SAMHD1: variants seen among roughly 807,000 people sequenced by gnomAD.
SAMHD1 encodes deoxynucleoside triphosphate triphosphohydrolase SAMHD1.
Under a neutral mutation model 79.6 loss-of-function variants are expected in SAMHD1, and 54 were observed. The ratio of observed to expected loss-of-function variants is 0.68; its 90% CI spans 0.55 to 0.85. The LOEUF (loss-of-function observed/expected upper bound fraction) is 0.85, where lower values mean the gene tolerates loss of function less well. Among genes scored for constraint, SAMHD1 ranks in the 40% least tolerant of loss-of-function variants. SAMHD1 has a pLI of 0.00. For missense variants in SAMHD1, 663 were observed against 782.7 expected, an observed-to-expected ratio of 0.85 and a Z score of 1.82; for synonymous variants, 260 against 264.1, an observed-to-expected ratio of 0.98 and a Z score of 0.15.
At chr20:36,897,257 T>A (rs1458211712) in intron 15 of SAMHD1, among the ~76,000 whole-genome samples, 1 of 152,232 alleles carries the variant, frequency 6.6e-6, no homozygotes, top group East Asian at 1.9e-4. Flanking sequence ...TATTCATTCA[T>A]TCATTCATTC....
chr20:36,890,038 C>T (rs1990022635), downstream of SAMHD1: 1 of 152,176 alleles, frequency 6.6e-6, no homozygotes, highest in Admixed American at 6.5e-5. Flanking sequence ...CTAATAAATA[C>T]TGTAGCAGCG....
intron 13 of SAMHD1, among the ~76,000 whole-genome samples, chr20:36,902,574 T>C (rs1450240813): frequency 1.3e-5 from 2 of 152,114 alleles, no homozygotes; most frequent in African/African-American, 4.8e-5. Context: ...TATGCCTGTA[T>C]AGTGATGGTA....
At chr20:36,909,676 C>A (rs1461375807) in intron 11 of SAMHD1, among the ~76,000 whole-genome samples, 45 of 98,064 alleles carry the variant, frequency 4.6e-4, no homozygotes, top group Middle Eastern at 9.6e-3. Flanking sequence ...TGTCCACCCC[C>A]CTCCAAAAAA....
At chr20:36,949,643 G>C (rs2063719679) in intron 1 of SAMHD1, among the ~76,000 whole-genome samples, 1 of 150,416 alleles carries the variant, frequency 6.6e-6, no homozygotes, top group Admixed American at 6.7e-5. Flanking sequence ...TGTAATCCCA[G>C]CTACTCGGGA....
intron 3 of SAMHD1, among the ~76,000 whole-genome samples, chr20:36,935,860 C>T (rs1013642017): frequency 4.6e-5 from 7 of 152,074 alleles, no homozygotes; most frequent in South Asian, 2.1e-4. Context: ...CGTGAGCCAC[C>T]GTGCCCGGCC....
At chr20:36,926,567 G>A (rs1385138249) in intron 6 of SAMHD1, among the ~76,000 whole-genome samples, 1 of 151,996 alleles carries the variant, frequency 6.6e-6, no homozygotes, top group Non-Finnish European at 1.5e-5. Context: ...CTTATTGTAT[G>A]TGAACTATAC....
intron 11 of SAMHD1, among the ~76,000 whole-genome samples, chr20:36,906,087 G>C (rs1241099193): frequency 1.3e-5 from 2 of 152,148 alleles, no homozygotes; most frequent in Admixed American, 1.3e-4. Context: ...GCTGAGCTGG[G>C]TGATGGGCAC....
chr20:36,936,678 T>C (rs1437600960), intron 3 of SAMHD1, among the ~76,000 whole-genome samples: 2 of 152,040 alleles, frequency 1.3e-5, no homozygotes, highest in Admixed American at 1.3e-4. Flanking sequence ...ATAACTGTCT[T>C]TTTTGTTTGT....
intron 11 of SAMHD1, among the ~76,000 whole-genome samples, chr20:36,905,902 A>G (rs1296230883): frequency 6.6e-6 from 1 of 151,600 alleles, no homozygotes; most frequent in East Asian, 2.0e-4. Flanking sequence ...GACCCCGGAA[A>G]GTGGAGGTTA....
At chr20:36,907,341 T>C (rs1601121273) in intron 11 of SAMHD1, among the ~76,000 whole-genome samples, 1 of 150,950 alleles carries the variant, frequency 6.6e-6, no homozygotes, top group African/African-American at 2.4e-5. Flanking sequence ...GCTCACTGCA[T>C]CCTCGACCTC....
At chr20:36,893,993 G>A (rs1407513250) in intron 15 of SAMHD1, 5 of 398,468 alleles carry the variant, frequency 1.3e-5, no homozygotes, top group East Asian at 3.6e-5. Flanking sequence ...TGGCACGAGC[G>A]GCAGTGGCAG....
intron 2 of SAMHD1, among the ~76,000 whole-genome samples, chr20:36,944,860 C>T (rs1484353723): frequency 6.6e-6 from 1 of 152,186 alleles, no homozygotes; most frequent in Non-Finnish European, 1.5e-5. Context: ...TGCCATTGCA[C>T]TCCAGCCTGG....
At chr20:36,912,696 C>CTGT in intron 9 of SAMHD1, 144 bp from the exon 10 acceptor site, 2 of 616,524 alleles carry the variant, frequency 3.2e-6, no homozygotes, top group East Asian at 2.9e-5. Flanking sequence ...ACCTTTGACC[C>CTGT]CACTAAAAAA....
At chr20:36,901,079 A>G (rs1033006895) in intron 13 of SAMHD1, among the ~76,000 whole-genome samples, 2 of 152,194 alleles carry the variant, frequency 1.3e-5, no homozygotes, top group African/African-American at 4.8e-5. Flanking sequence ...AGCAAGAAAG[A>G]AGTATCTGGA....
rs965379889 is a variant in SAMHD1 at position 36,908,799 on chromosome 20, G to A, written c.1270+2419C>T. Among the ~76,000 whole-genome samples, 14 of 152,134 alleles carry A rather than the reference G, an allele frequency of 9.2e-5. 1 individual carries two copies. Among genetic ancestry groups the A allele is most frequent in the Admixed American group, 2.0e-4 (3 of 15,264 alleles). ...CAGCAAATAGAATCCAGCTGTGGTA[G>A]AACGGCAGCACTCTCGGCAGGAAGC... On this transcript the variant is annotated intron_variant, in intron 11 of 15. Coordinates refer to ENST00000646673, the MANE Select transcript of SAMHD1 (RefSeq NM_015474.4).
Position 36,947,413 on chromosome 20 carries a change from T to TGTGTGTGATTTGGAAGAG in SAMHD1, c.209-610_209-609insCTCTTCCAAATCACACAC, listed in dbSNP as rs748048937. Among the ~76,000 whole-genome samples, 296 of 138,026 alleles carry TGTGTGTGATTTGGAAGAG rather than the reference T, an allele frequency of 2.1e-3. 33 individuals are homozygous for TGTGTGTGATTTGGAAGAG. Among genetic ancestry groups the TGTGTGTGATTTGGAAGAG allele is most frequent in the African/African-American group, 4.8e-3 (166 of 34,430 alleles). 90.6% of individuals were successfully genotyped at this position (138,026 alleles called of 152,430 possible). On this transcript the variant is annotated intron_variant, in intron 1 of 15. Coordinates refer to ENST00000646673, the MANE Select transcript of SAMHD1 (RefSeq NM_015474.4). ...GTGTGTGATTTGGAAGAGGTGTGTG[T>TGTGTGTGATTTGGAAGAG]GTGTGTGTGTGTGTGTGTGTGTGTG...
intron 9 of SAMHD1, 99 bp downstream of exon 9, chr20:36,916,623 A>C: frequency 1.2e-6 from 1 of 850,908 alleles, no homozygotes; most frequent in Non-Finnish European, 2.1e-6. Context: ...AAGTAAAGAG[A>C]CTGACGATTT....
intron 9 of SAMHD1, chr20:36,916,446 A>T (rs2063476307): frequency 5.4e-6 from 2 of 369,262 alleles, no homozygotes; most frequent in African/African-American, 4.2e-5. Flanking sequence ...AGCCTGGGCA[A>T]CACAGTGAGA....
chr20:36,929,123 C>T lies in SAMHD1; in HGVS notation c.625+1637G>A, dbSNP rs2063553260. 2.0e-5 allele frequency among the ~76,000 whole-genome samples: 3 copies of T among 152,010 alleles called. No homozygotes were observed. The South Asian group carries it at 6.2e-4, about 32-fold the overall frequency. ...AAGTCTACCTAGACTAGCCTTGGCC[C>T]TGCTTTGCAAGTCACAGGCTACACA... On this transcript the variant is annotated intron_variant, in intron 5 of 15. Transcript: ENST00000646673.
Sources: allele counts gnomAD v4.1 joint callset (sites outside exome capture counted in the v4.1 genomes callset), GRCh38; gene constraint gnomAD v4.1.1; transcripts MANE v1.5; gene names NCBI Gene and HGNC (gene_info 2026-07-23, HGNC 2026-07-21).